IL15: variants seen among roughly 807,000 people sequenced by gnomAD.
IL15 encodes interleukin 15.
In IL15, 11 loss-of-function variants were observed where a neutral mutation model predicts 19.6. The ratio of observed to expected loss-of-function variants is 0.56; its 90% CI spans 0.35 to 0.93. The LOEUF is 0.93. Among genes scored for constraint, IL15 ranks in the 40% least tolerant of loss-of-function variants. The pLI is 0.01. For synonymous variants in IL15, 58 were observed against 59.6 expected, an observed-to-expected ratio of 0.97 and a Z score of 0.12; for missense variants, 197 against 186.5, an observed-to-expected ratio of 1.06 and a Z score of -0.33.
chr4:141,653,608 A>G (rs1334407698), intron 1 of IL15, among the ~76,000 whole-genome samples: 1 of 152,180 alleles, frequency 6.6e-6, no homozygotes, highest in Non-Finnish European at 1.5e-5. Flanking sequence ...CTTTAAAAAT[A>G]CACCTTGGAT....
chr4:141,718,585 G>C (rs1419126240), intron 2 of IL15: 1 of 152,050 alleles, frequency 6.6e-6, no homozygotes, highest in Non-Finnish European at 1.5e-5. Flanking sequence ...ATAAGTGTTA[G>C]CTTTTTCTTT....
chr4:141,681,087 A>C (rs1728516205), intron 2 of IL15, among the ~76,000 whole-genome samples: 1 of 152,120 alleles, frequency 6.6e-6, no homozygotes, highest in Non-Finnish European at 1.5e-5. Context: ...TTCTCTCTGT[A>C]GTTCTGAGAC....
At chr4:141,656,366 A>G in intron 2 of IL15, 59 bp downstream of exon 2, 1 of 396,904 alleles carries the variant, frequency 2.5e-6, no homozygotes, top group Non-Finnish European at 4.4e-6. Context: ...TAATAGCATA[A>G]CTAATAATAA....
intron 5 of IL15, among the ~76,000 whole-genome samples, chr4:141,723,603 C>T (rs1033297512): frequency 6.6e-6 from 1 of 152,090 alleles, no homozygotes; most frequent in African/African-American, 2.4e-5. Context: ...TTTAAACCAC[C>T]CACCTTGTGG....
chr4:141,705,404 G>C (rs139982425), intron 2 of IL15, among the ~76,000 whole-genome samples: 379 of 151,792 alleles, frequency 2.5e-3, no homozygotes, highest in African/African-American at 8.2e-3. Context: ...TTTTATTTTA[G>C]TATTGATTTC....
chr4:141,691,594 G>C lies in IL15; in HGVS notation c.-99-27772G>C, dbSNP rs144931079. On this transcript the variant is annotated intron_variant, in intron 2 of 7. Coordinates refer to ENST00000320650, the MANE Select transcript of IL15 (RefSeq NM_000585.5). ...CCAAATGGGAGAATTTGGACAAAAC[G>C]AAGGGGCCACAGGTTCCATGCAAGT... 3.8e-3 allele frequency among the ~76,000 whole-genome samples: 580 copies of C among 152,264 alleles called. 3 individuals are homozygous for C. The highest frequency in any genetic ancestry group is 0.013 in the African/African-American group (538 of 41,548).
intron 4 of IL15, chr4:141,721,704 A>T: frequency 1.8e-6 from 1 of 560,100 alleles, no homozygotes; most frequent in South Asian, 2.1e-5. Context: ...CTTTTCTCTA[A>T]TCCGGGTTGG....
At chr4:141,678,664 T>C (rs111385832) in intron 2 of IL15, among the ~76,000 whole-genome samples, 3,587 of 150,938 alleles carry the variant, frequency 0.024, 150 homozygotes, top group African/African-American at 0.082. Flanking sequence ...TGCAGTGGCA[T>C]GATCTCAGCT....
chr4:141,699,506 G>A (rs1193357522), intron 2 of IL15, among the ~76,000 whole-genome samples: 1 of 152,060 alleles, frequency 6.6e-6, no homozygotes, highest in African/African-American at 2.4e-5. Context: ...AAATTTGGGA[G>A]CTCCATTGTT....
intron 1 of IL15, among the ~76,000 whole-genome samples, chr4:141,648,481 A>C (rs1341874503): frequency 6.6e-6 from 1 of 152,046 alleles, no homozygotes; most frequent in East Asian, 1.9e-4. Flanking sequence ...TTGAGAAGTT[A>C]TTTCAGTAGG....
intron 2 of IL15, among the ~76,000 whole-genome samples, chr4:141,664,935 C>G (rs1412282749): frequency 6.6e-6 from 1 of 151,878 alleles, no homozygotes; most frequent in Non-Finnish European, 1.5e-5. Flanking sequence ...AATTTCACCT[C>G]TTTTGATTAC....
chr4:141,718,598 A>G (rs1404855238), intron 2 of IL15: 2 of 152,128 alleles, frequency 1.3e-5, no homozygotes, highest in East Asian at 1.9e-4. Context: ...TTTTCTTTCT[A>G]TGAGTTATAG....
At chr4:141,653,212 GT>G (rs1195852389) in intron 1 of IL15, among the ~76,000 whole-genome samples, 1 of 152,090 alleles carries the variant, frequency 6.6e-6, no homozygotes, top group African/African-American at 2.4e-5. Flanking sequence ...GCCTCCTTTG[GT>G]TCAGAAACTG....
chr4:141,684,035 A>C (rs1266050476), intron 2 of IL15, among the ~76,000 whole-genome samples: 1 of 152,208 alleles, frequency 6.6e-6, no homozygotes, highest in African/African-American at 2.4e-5. Flanking sequence ...CAACAGTAAC[A>C]GAGAGTGCTA....
chr4:141,717,294 A>G (rs1478338830), intron 2 of IL15: 1 of 152,170 alleles, frequency 6.6e-6, no homozygotes, highest in East Asian at 1.9e-4. Context: ...TTAATTGTGA[A>G]TGTGACAGTT....
At chr4:141,724,992 A>G (rs1730212457) in intron 5 of IL15, among the ~76,000 whole-genome samples, 1 of 152,162 alleles carries the variant, frequency 6.6e-6, no homozygotes, top group African/African-American at 2.4e-5. Context: ...AGATATTACT[A>G]AAAAAGACAA....
intron 2 of IL15, among the ~76,000 whole-genome samples, chr4:141,674,185 GT>G (rs923165038): frequency 6.6e-6 from 1 of 152,046 alleles, no homozygotes; most frequent in Non-Finnish European, 1.5e-5. Flanking sequence ...TTGGTTTTTG[GT>G]TTTTTTATTC....
At chr4:141,640,295 C>A (rs1726998915) in intron 1 of IL15, among the ~76,000 whole-genome samples, 1 of 151,624 alleles carries the variant, frequency 6.6e-6, no homozygotes, top group Non-Finnish European at 1.5e-5. Context: ...GCATTTTTAT[C>A]CTGAATTTAC....
At chr4:141,692,283 G>A (rs1023558845) in intron 2 of IL15, among the ~76,000 whole-genome samples, 4 of 152,356 alleles carry the variant, frequency 2.6e-5, no homozygotes, top group African/African-American at 7.2e-5. Flanking sequence ...CTCCAGGCCT[G>A]TAATGGGTGT....
Sources: allele counts gnomAD v4.1 joint callset (sites outside exome capture counted in the v4.1 genomes callset), GRCh38; gene constraint gnomAD v4.1.1; transcripts MANE v1.5; gene names NCBI Gene and HGNC (gene_info 2026-07-23, HGNC 2026-07-21).